SPAG16: variants seen among roughly 807,000 people sequenced by gnomAD.
SPAG16 encodes the protein sperm associated antigen 16.
SPAG16 carries 86 observed loss-of-function variants against 80.4 expected under a neutral mutation model. That is an observed-to-expected ratio of 1.07 (90% confidence interval 0.90 to 1.28). SPAG16 has a LOEUF of 1.28. SPAG16 is among the 50% of genes most tolerant of loss of function. The pLI, the probability that SPAG16 is intolerant of heterozygous loss-of-function variation, is 0.00. For missense variants in SPAG16, 870 were observed against 765.3 expected (o/e 1.14, Z -1.61); for synonymous variants, 294 against 265.9 (o/e 1.11, Z -1.03).
intron 13 of SPAG16, among the ~76,000 whole-genome samples, chr2:214,101,901 A>G (rs953291235): frequency 6.6e-6 from 1 of 152,170 alleles, no homozygotes; most frequent in African/African-American, 2.4e-5. Context: ...TCCACCTGGA[A>G]TCACCATTTC....
intron 14 of SPAG16, among the ~76,000 whole-genome samples, chr2:214,115,876 CAA>C (rs34111831): frequency 1.7e-4 from 11 of 66,106 alleles, no homozygotes; most frequent in Admixed American, 5.2e-4. Flanking sequence ...GACTCCATCT[CAA>C]AAAAAAAAAA....
chr2:213,656,811 G>A (rs112832801), intron 10 of SPAG16, among the ~76,000 whole-genome samples: 1 of 152,104 alleles, frequency 6.6e-6, no homozygotes, highest in Non-Finnish European at 1.5e-5. Flanking sequence ...TTTAATTTCA[G>A]GGATTTGTAC....
At chr2:213,453,775 C>T (rs150602865) in intron 9 of SPAG16, among the ~76,000 whole-genome samples, 3,085 of 152,028 alleles carry the variant, frequency 0.02, 46 homozygotes, top group Middle Eastern at 0.051. Flanking sequence ...AAAAGGGAGT[C>T]GATGACAATG....
At chr2:213,732,349 T>C (rs1574972208) in intron 10 of SPAG16, among the ~76,000 whole-genome samples, 1 of 139,668 alleles carries the variant, frequency 7.2e-6, no homozygotes, top group Admixed American at 7.2e-5. Flanking sequence ...GCAAAAAAAA[T>C]GCCCAGGAAT....
chr2:214,326,391 G>T (rs1696480988), intron 15 of SPAG16, among the ~76,000 whole-genome samples: 2 of 152,088 alleles, frequency 1.3e-5, no homozygotes, highest in Admixed American at 6.5e-5. Context: ...CTTGATTTTG[G>T]ACTTCTAACC....
At chr2:214,273,215 G>A (rs1269552661) in intron 15 of SPAG16, among the ~76,000 whole-genome samples, 3 of 151,954 alleles carry the variant, frequency 2.0e-5, no homozygotes, top group Non-Finnish European at 2.9e-5. Flanking sequence ...TGGGTAGATC[G>A]CAAAAATTTT....
At chr2:214,115,644 TG>T (rs1187740954) in intron 14 of SPAG16, among the ~76,000 whole-genome samples, 1 of 152,056 alleles carries the variant, frequency 6.6e-6, no homozygotes, top group Admixed American at 6.6e-5. Context: ...TTTGGGAGAC[TG>T]AGGCAGGCAG....
chr2:214,367,051 G>A (rs1412928198), intron 15 of SPAG16, among the ~76,000 whole-genome samples: 2 of 152,130 alleles, frequency 1.3e-5, no homozygotes, highest in Non-Finnish European at 2.9e-5. Flanking sequence ...TCACCCTAGG[G>A]AGGAGGGTTC....
chr2:213,530,382 T>A (rs1471517477), intron 10 of SPAG16, among the ~76,000 whole-genome samples: 1 of 152,212 alleles, frequency 6.6e-6, no homozygotes, highest in African/African-American at 2.4e-5. Flanking sequence ...AGCTCCTTTG[T>A]AATCTTATGG....
chr2:213,667,727 T>G (rs1488160773), intron 10 of SPAG16, among the ~76,000 whole-genome samples: 3 of 152,148 alleles, frequency 2.0e-5, no homozygotes, highest in Non-Finnish European at 2.9e-5. Context: ...ATATTTATAT[T>G]CCAAATATAG....
At chr2:213,712,441 A>G (rs765257373) in intron 10 of SPAG16, among the ~76,000 whole-genome samples, 2 of 152,224 alleles carry the variant, frequency 1.3e-5, no homozygotes, top group African/African-American at 2.4e-5. Context: ...CACTGCAGAC[A>G]GTAGTCAGGA....
chr2:214,327,102 G>A (rs1438719433), intron 15 of SPAG16, among the ~76,000 whole-genome samples: 3 of 152,088 alleles, frequency 2.0e-5, no homozygotes, highest in Non-Finnish European at 4.4e-5. Context: ...TTTCTCTAGA[G>A]TAAAATTAAG....
At chr2:214,120,657 G>T (rs1576273429) in intron 14 of SPAG16, among the ~76,000 whole-genome samples, 1 of 151,762 alleles carries the variant, frequency 6.6e-6, no homozygotes, top group East Asian at 1.9e-4. Flanking sequence ...CCTCTCTTGA[G>T]CCCTGAGAAA....
chr2:213,346,774 C>T (rs369760820), intron 6 of SPAG16, among the ~76,000 whole-genome samples: 3,630 of 152,030 alleles, frequency 0.024, 60 homozygotes, highest in African/African-American at 0.04. Flanking sequence ...CTGCTGGATT[C>T]GGTTTGCCAG....
intron 12 of SPAG16, among the ~76,000 whole-genome samples, chr2:213,961,921 C>T (rs562438384): frequency 6.6e-6 from 1 of 151,768 alleles, no homozygotes; most frequent in African/African-American, 2.4e-5. Flanking sequence ...GTATTCCTTC[C>T]TCTTGTATTT....
chr2:213,795,231 T>C (rs886824024), intron 10 of SPAG16, among the ~76,000 whole-genome samples: 6 of 152,190 alleles, frequency 3.9e-5, no homozygotes, highest in African/African-American at 1.4e-4. Context: ...TGATTAAGAA[T>C]TGTTATTGGC....
At chr2:213,586,668 G>A (rs767136307) in intron 10 of SPAG16, among the ~76,000 whole-genome samples, 1 of 152,148 alleles carries the variant, frequency 6.6e-6, no homozygotes, top group Non-Finnish European at 1.5e-5. Flanking sequence ...ATCTAAATCA[G>A]ATATGGGTGA....
At chr2:214,286,823 TCA>T (rs1693401645) in intron 15 of SPAG16, among the ~76,000 whole-genome samples, 1 of 152,128 alleles carries the variant, frequency 6.6e-6, no homozygotes, top group Non-Finnish European at 1.5e-5. Context: ...TGCATTAGAA[TCA>T]CTAAAAATGA....
At position 214,371,483 on chromosome 2, in the gene SPAG16, GATTACACCATT is replaced by G. The variant is rs1177555884; in HGVS notation, c.1721-38656_1721-38646del. Reference sequence around the variant, plus strand: ...GGAGGCAGAGGTTGAGGTGAGCCAAGATTACACCATTGCACTCCAGCCTGGGCCGTAAGAGC... The same window carrying G: ...GGAGGCAGAGGTTGAGGTGAGCCAAGGCACTCCAGCCTGGGCCGTAAGAGC... On this transcript the variant is annotated intron_variant, in intron 15 of 15. Coordinates refer to ENST00000331683, the MANE Select transcript of SPAG16 (RefSeq NM_024532.5). Among the ~76,000 whole-genome samples the G allele has an allele frequency of 2.2e-5, 3 of 136,650 alleles. No individual in the cohort carries two copies. The East Asian group carries it at 6.6e-4, about 30-fold the overall frequency. The allele number at this position is 136,650 out of a possible 152,430, so 89.6% of individuals were successfully genotyped here.
Sources: allele counts gnomAD v4.1 joint callset (sites outside exome capture counted in the v4.1 genomes callset), GRCh38; gene constraint gnomAD v4.1.1; transcripts MANE v1.5; gene names NCBI Gene and HGNC (gene_info 2026-07-23, HGNC 2026-07-21).